DDX43: variants seen among roughly 807,000 people sequenced by gnomAD.
DDX43 encodes probable ATP-dependent RNA helicase DDX43.
DDX43 carries 50 observed loss-of-function variants against 84.9 expected under a neutral mutation model. The ratio of observed to expected loss-of-function variants is 0.59; its 90% CI spans 0.47 to 0.75. The LOEUF (loss-of-function observed/expected upper bound fraction) is 0.75, where lower values mean the gene tolerates loss of function less well. Among genes scored for constraint, DDX43 ranks in the 30% least tolerant of loss-of-function variants. The pLI, the probability that DDX43 is intolerant of heterozygous loss-of-function variation, is 0.00. For missense variants in DDX43, 689 were observed against 798.6 expected (o/e 0.86, Z 1.65); for synonymous variants, 291 against 266.3 (o/e 1.09, Z -0.90).
rs533108607 is a variant in DDX43, at chr6:73,407,983, A to G, written c.1061A>G (p.Asn354Ser). The part of the protein sequence containing the change: ...LRSVCVYGGG[N>S]RDEQIEELKK... ...AGTGTTTGTGTATATGGTGGTGGAA[A>G]TAGAGATGAACAAATAGAAGAGCTT... Residue 354 changes from asparagine (N) to serine (S), a missense_variant, in exon 9 of 17, where the codon AAT (asparagine) becomes AGT (serine). Coordinates refer to ENST00000370336, the MANE Select transcript of DDX43 (RefSeq NM_018665.3). 10 of 1,613,742 alleles carry G rather than the reference A, an allele frequency of 6.2e-6. No homozygotes were observed. The South Asian group carries it at 1.1e-4, about 18-fold the overall frequency.
chr6:73,416,121 A>G lies in DDX43; in HGVS notation c.1842A>G (p.Pro614=), dbSNP rs1282253690. Residue 614 remains proline (P), a synonymous_variant, in exon 16 of 17, where the codon CCA becomes CCG. Coordinates refer to ENST00000370336, the MANE Select transcript of DDX43 (RefSeq NM_018665.3). The part of the protein sequence containing the change: ...NILERANQSI[P]EELVSMAERF... The stretch of plus-strand genomic sequence containing the variant: ...ACGTTGAATAATTTCAGAGTATTCC[A>G]GAGGAGCTTGTATCAATGGCTGAGA... 1.3e-6 allele frequency: 2 copies of G among 1,517,262 alleles called. No homozygotes were observed. Among genetic ancestry groups the G allele is most frequent in the African/African-American group, 1.4e-5 (1 of 73,832 alleles). 94.0% of individuals were successfully genotyped at this position (1,517,262 alleles called of 1,614,324 possible).
chr6:73,411,175 CAAAAAAAAAA>C (rs34679802), intron 10 of DDX43, among the ~76,000 whole-genome samples: 2 of 49,302 alleles, frequency 4.1e-5, no homozygotes, highest in African/African-American at 1.3e-4. Context: ...GACTCCATCT[CAAAAAAAAAA>C]AAAAAAAAAA....
intron 2 of DDX43, among the ~76,000 whole-genome samples, chr6:73,399,733 G>A (rs1444343949): frequency 3.3e-5 from 5 of 152,118 alleles, no homozygotes; most frequent in Admixed American, 6.6e-5. Flanking sequence ...TCTTGTAAAC[G>A]TAAGCCCCTG....
chr6:73,407,460 C>T, intron 7 of DDX43, 45 bp from the exon 8 acceptor site: 1 of 1,265,906 alleles, frequency 7.9e-7, no homozygotes, highest in African/African-American at 1.5e-5. Flanking sequence ...ATGTACCGTG[C>T]ATCTGAGACA....
At position 73,407,922 on chromosome 6, in the gene DDX43, G is replaced by A. The variant is rs759838627; in HGVS notation, c.1038-38G>A. The A allele has an allele frequency of 3.8e-6, 6 of 1,581,726 alleles. 1 individual carries two copies. The highest frequency in any genetic ancestry group is 3.4e-5 in the South Asian group (3 of 88,784). ...ATTTTAAGTTGTGATGAGATATTCTGTGCCTAAACATTAACCTTTAGATTT... is the reference window on the plus strand; with the variant it reads ...ATTTTAAGTTGTGATGAGATATTCTATGCCTAAACATTAACCTTTAGATTT... On this transcript the variant is annotated intron_variant, in intron 8 of 16. Coordinates refer to ENST00000370336, the MANE Select transcript of DDX43 (RefSeq NM_018665.3).
chr6:73,401,838 C>T (rs749784324), intron 3 of DDX43, 21 bp from the exon 4 acceptor site: 18 of 1,550,228 alleles, frequency 1.2e-5, no homozygotes, highest in African/African-American at 2.8e-5. Context: ...AAAAACTAAT[C>T]GATACAAATG....
chr6:73,400,238 T>C lies in DDX43; in HGVS notation c.311T>C (p.Ile104Thr). The C allele has an allele frequency of 1.3e-6, 2 of 1,598,962 alleles. No individual in the cohort carries two copies. Among genetic ancestry groups the C allele is most frequent in the Non-Finnish European group, 8.5e-7 (1 of 1,175,466 alleles). Residue 104 changes from isoleucine to threonine, a missense_variant, in exon 3 of 17, where the codon ATA becomes ACA. Ile to Thr is a moderately conservative substitution (Grantham distance 89, BLOSUM62 -1). Around this residue, in one of 2 missense-constraint regions of DDX43, gnomAD observed 552 missense variants for 692.7 expected, o/e 0.80. Coordinates refer to ENST00000370336, the MANE Select transcript of DDX43 (RefSeq NM_018665.3). ...TCTTTTTCCCCTTGTACCTAGATAATACAAGAACAACCAGAATCATTAGTC... is the reference window on the plus strand; with the variant it reads ...TCTTTTTCCCCTTGTACCTAGATAACACAAGAACAACCAGAATCATTAGTC... ...QSTTNTTIQI[I>T]QEQPESLVKI...
chr6:73,405,686 A>G lies in DDX43; in HGVS notation c.658A>G (p.Asn220Asp). ...GTTTTTTATTCTTTGAAGGAAAGAA[A>G]ATTTTAATATAACGTGGGATGACTT... is the stretch of plus-strand genomic sequence containing the variant. Reference protein sequence around the residue: ...KVEADSWRKENFNITWDDLKD... With the variant: ...KVEADSWRKEDFNITWDDLKD... The change falls in exon 6 of 17, where the codon AAT becomes GAT. Residue 220 changes from asparagine (N) to aspartate (D), a missense_variant. Asn to Asp is a conservative substitution (Grantham distance 23). This residue lies in a region of DDX43 where 552 missense variants were observed against 692.7 expected (regional missense o/e 0.80). Transcript: ENST00000370336. 6.2e-7 allele frequency: 1 copy of G among 1,611,864 alleles called. No individual in the cohort carries two copies.
chr6:73,395,108 T>G lies in DDX43; in HGVS notation c.203T>G (p.Leu68Arg). ...GCCGTGGCCGCTGGTCACGAGGAAC[T>G]GCCGCTGTGTTTTGCTTTGAAGAGC... ...PEAVAAGHEELPLCFALKSHF... is the reference protein window; with the variant it reads ...PEAVAAGHEERPLCFALKSHF... Residue 68 changes from leucine to arginine, a missense_variant, in exon 1 of 17, where the codon CTG (leucine) becomes CGG (arginine). Leu to Arg is a moderately radical substitution (Grantham distance 102, BLOSUM62 -2). Coordinates refer to ENST00000370336, the MANE Select transcript of DDX43 (RefSeq NM_018665.3). The G allele has an allele frequency of 6.2e-7, 1 of 1,614,114 alleles. No homozygotes were observed. The highest frequency in any genetic ancestry group is 8.5e-7 in the Non-Finnish European group (1 of 1,179,970).
At chr6:73,416,661 C>T (rs1168223580) in intron 16 of DDX43, among the ~76,000 whole-genome samples, 1 of 152,144 alleles carries the variant, frequency 6.6e-6, no homozygotes, top group Non-Finnish European at 1.5e-5. Flanking sequence ...GTACAATTCA[C>T]AGTGACAAAG....
At position 73,394,836 on chromosome 6, in the gene DDX43, C is replaced by T. The variant is rs1769426838; in HGVS notation, c.-70C>T. 8.9e-6 allele frequency: 14 copies of T among 1,574,554 alleles called. No individual in the cohort carries two copies. The highest frequency in any genetic ancestry group is 1.2e-5 in the Non-Finnish European group (14 of 1,161,010). On this transcript the variant is annotated 5_prime_UTR_variant, in exon 1 of 17. Transcript: ENST00000370336. ...TGCGTGGCTTCCCTGGCACGCTACT[C>T]TTACGACGTCACGGTCAGGTGGTGC...
At chr6:73,401,226 C>T (rs529162475) in intron 3 of DDX43, among the ~76,000 whole-genome samples, 1 of 152,280 alleles carries the variant, frequency 6.6e-6, no homozygotes, top group South Asian at 2.1e-4. Context: ...CGATCCTCCA[C>T]ACCAGCCTCA....
intron 2 of DDX43, among the ~76,000 whole-genome samples, chr6:73,399,654 C>CATT (rs1323609715): frequency 3.3e-5 from 5 of 152,136 alleles, no homozygotes; most frequent in African/African-American, 4.8e-5. Context: ...ATATTGAATC[C>CATT]ATTAGGGTAT....
At chr6:73,412,149 G>A in intron 10 of DDX43, 56 bp from the exon 11 acceptor site, 5 of 1,453,836 alleles carry the variant, frequency 3.4e-6, no homozygotes, top group South Asian at 1.2e-5. Flanking sequence ...CATGCTTAAG[G>A]AAACATAGTA....
At position 73,405,810 on chromosome 6, in the gene DDX43, G is replaced by C. The variant is rs976541560; in HGVS notation, c.782G>C (p.Gly261Ala). ...GTTATGGAAAACATTAAAAAGGCAG[G>C]TTTTCAAAAGCCAACACCTATTCAG... ...PEVMENIKKA[G>A]FQKPTPIQSQ... The change falls in exon 6 of 17, where the codon GGT (glycine) becomes GCT (alanine). Residue 261 changes from glycine to alanine, a missense_variant. Transcript: ENST00000370336. 1.2e-6 allele frequency: 2 copies of C among 1,613,844 alleles called. No homozygotes were observed. The highest frequency in any genetic ancestry group is 1.7e-6 in the Non-Finnish European group (2 of 1,179,944).
chr6:73,407,557 G>A lies in DDX43; in HGVS notation c.979G>A (p.Glu327Lys), dbSNP rs1401204275. The A allele has an allele frequency of 6.2e-7, 1 of 1,613,950 alleles. No homozygotes were observed. Among genetic ancestry groups the A allele is most frequent in the African/African-American group, 1.3e-5 (1 of 74,920 alleles). The change falls in exon 8 of 17, where the codon GAA becomes AAA. Residue 327 changes from glutamate to lysine, a missense_variant. Transcript: ENST00000370336. ...CATGTTAGTTCTAACTCCCACTCGG[G>A]AATTAGCACTTCAAGTAGAAGGAGA... ...PGMLVLTPTR[E>K]LALQVEGECC...
At chr6:73,413,475 A>G (rs1350745019) in intron 11 of DDX43, 183 bp from the exon 12 acceptor site, 1 of 484,650 alleles carries the variant, frequency 2.1e-6, no homozygotes. Flanking sequence ...TTTGAGGTTA[A>G]GTGACATCTA....
In DDX43 at chr6:73,413,705, G is replaced by A; in HGVS notation, c.1416G>A (p.Glu472=). The change falls in exon 12 of 17, where the codon GAG becomes GAA. Residue 472 remains glutamate, a synonymous_variant. Transcript: ENST00000370336. ...ATATAATTGTAACCACCGAGGAAGA[G>A]AAATGGAGTCACATGCAAACTTTTC... ...KQNIIVTTEE[E]KWSHMQTFLQ... The A allele has an allele frequency of 6.2e-7, 1 of 1,613,866 alleles. No homozygotes were observed. Among genetic ancestry groups the A allele is most frequent in the Non-Finnish European group, 8.5e-7 (1 of 1,179,864 alleles).
Position 73,415,511 on chromosome 6 carries a change from C to G in DDX43, c.1760C>G (p.Ser587Cys). ...RTGRAGRTGV[S>C]ITTLTRNDWR... ...CCACACTAAAGGAGGACTGGTGTTTCCATTACAACTTTGACTAGAAATGAT... is the reference window on the plus strand; with the variant it reads ...CCACACTAAAGGAGGACTGGTGTTTGCATTACAACTTTGACTAGAAATGAT... The change falls in exon 15 of 17, where the codon TCC becomes TGC. Residue 587 changes from serine (S) to cysteine (C), a missense_variant. Physicochemically the swap from Ser to Cys is moderately radical, Grantham distance 112. This residue lies in a region of DDX43 where 552 missense variants were observed against 692.7 expected (regional missense o/e 0.80). Coordinates refer to ENST00000370336, the MANE Select transcript of DDX43 (RefSeq NM_018665.3). The G allele has an allele frequency of 1.2e-6, 2 of 1,612,652 alleles. No homozygotes were observed. Among genetic ancestry groups the G allele is most frequent in the Non-Finnish European group, 1.7e-6 (2 of 1,178,996 alleles).
Sources: gnomAD v4.1 joint callset for allele counts (sites outside exome capture counted in the v4.1 genomes callset) on GRCh38, gnomAD v4.1.1 for gene constraint, gnomAD v4.1.1 regional missense constraint, MANE v1.5 for transcripts, NCBI Gene and HGNC (gene_info 2026-07-23, HGNC 2026-07-21) for gene names.